Variants in PPP1R18 observed in about 807,000 individuals in gnomAD.
PPP1R18 encodes the protein protein phosphatase 1 regulatory subunit 18, also known as phostensin.
A neutral mutation model predicts 54.8 loss-of-function variants in PPP1R18; 31 were observed. The observed-to-expected ratio is 0.57, with a 90% CI of 0.43 to 0.76. PPP1R18 has a LOEUF of 0.76. Ranked by LOEUF, PPP1R18 falls within the 30% of genes least tolerant of loss-of-function variation. The probability of loss-of-function intolerance (pLI) is 0.00; values close to 1 mark genes in which losing one functional copy is unlikely to be tolerated. For synonymous variants in PPP1R18, 310 were observed against 320.2 expected, an observed-to-expected ratio of 0.97 and a Z score of 0.34; for missense variants, 685 against 776.1, an observed-to-expected ratio of 0.88 and a Z score of 1.39.
intron 2 of PPP1R18, among the ~76,000 whole-genome samples, chr6:30,678,568 TG>T (rs1413895432): frequency 6.6e-6 from 1 of 151,604 alleles, no homozygotes; most frequent in East Asian, 2.0e-4. Flanking sequence ...TTAGTAGAGA[TG>T]GGGTTTCACC....
rs1363960192 is a variant in PPP1R18, at chr6:30,676,691, G to C, written c.*578C>G. ...TGAGGAGACTGGAGGGGACAGAGGA[G>C]AGAATTCCACGCAGACACAGCAAGT... On this transcript the variant is annotated 3_prime_UTR_variant, in exon 3 of 3. Coordinates refer to ENST00000274853, the MANE Select transcript of PPP1R18 (RefSeq NM_133471.4). The C allele has an allele frequency of 4.7e-6, 1 of 212,878 alleles. No individual in the cohort carries two copies. Among genetic ancestry groups the C allele is most frequent in the Non-Finnish European group, 9.5e-6 (1 of 105,634 alleles). The allele number at this position is 212,878 out of a possible 1,614,324, so 13.2% of individuals were successfully genotyped here. A position where few individuals can be genotyped will look rare whatever the true frequency, so the allele number is the denominator to read the frequency against.
rs532801039 is a variant in PPP1R18 at position 30,684,589 on chromosome 6, C to T, written c.1430G>A (p.Arg477Gln). The T allele has an allele frequency of 1.8e-5, 28 of 1,598,120 alleles. No individual in the cohort carries two copies. The highest frequency in any genetic ancestry group is 1.0e-4 in the South Asian group (9 of 89,466). The change falls in exon 1 of 3, where the codon CGG becomes CAG. Residue 477 changes from arginine to glutamine, a missense_variant. Physicochemically the swap from Arg to Gln is conservative, Grantham distance 43 (BLOSUM62 1). Coordinates refer to ENST00000274853, the MANE Select transcript of PPP1R18 (RefSeq NM_133471.4). The surrounding 1 kb of genome is among the most constrained non-coding windows in gnomAD (Gnocchi z 6.0). ...TGGGGTCGCAGGGGGCACAGACCGC[C>T]GGGGGTTGACGGTGAAGGTGTGTCC... ...RSGHTFTVNP[R>Q]RSVPPATPAT... is the part of the protein sequence containing the mutation.
chr6:30,687,029 A>G (rs1771015044), upstream of PPP1R18: 1 of 152,630 alleles, frequency 6.6e-6, no homozygotes, highest in Admixed American at 6.5e-5. This position sits in a 1 kb window ranked among gnomAD's most constrained non-coding sequence, Gnocchi z 7.9. Context: ...AAGAGGAGAC[A>G]GCCAAGGTCC....
In PPP1R18 at chr6:30,677,244, G is replaced by A. The variant is rs758621798; in HGVS notation, c.*25C>T. 2.5e-6 allele frequency: 4 copies of A among 1,595,830 alleles called. No homozygotes were observed. The South Asian group carries it at 3.3e-5, about 13-fold the overall frequency. ...GATCTTCAGTTATAAGAAGGAGGGA[G>A]GTATATCCCTATGTTGGAAGATGGT... On this transcript the variant is annotated 3_prime_UTR_variant, in exon 3 of 3. Coordinates refer to ENST00000274853, the MANE Select transcript of PPP1R18 (RefSeq NM_133471.4).
At chr6:30,682,832 C>T (rs1350212335) in intron 1 of PPP1R18, among the ~76,000 whole-genome samples, 4 of 152,178 alleles carry the variant, frequency 2.6e-5, no homozygotes, top group Non-Finnish European at 4.4e-5. Flanking sequence ...CTTCCTGGCT[C>T]CCCTGGGATG....
chr6:30,687,627 T>C (rs1018387521), upstream of PPP1R18: 2 of 152,418 alleles, frequency 1.3e-5, no homozygotes, highest in African/African-American at 4.8e-5. This position sits in a 1 kb window ranked among gnomAD's most constrained non-coding sequence, Gnocchi z 7.9. Flanking sequence ...TCCCTACGCT[T>C]TTGCCTTCTC....
intron 1 of PPP1R18, among the ~76,000 whole-genome samples, chr6:30,680,491 G>T (rs1251226840): frequency 6.6e-6 from 1 of 152,108 alleles, no homozygotes; most frequent in Non-Finnish European, 1.5e-5. Flanking sequence ...TGAAAAGAGA[G>T]AAGCCAGAAG....
chr6:30,684,380 A>G lies in PPP1R18; in HGVS notation c.1611+28T>C. On this transcript the variant is annotated intron_variant, in intron 1 of 2. Coordinates refer to ENST00000274853, the MANE Select transcript of PPP1R18 (RefSeq NM_133471.4). The surrounding 1 kb of genome is among the most constrained non-coding windows in gnomAD (Gnocchi z 6.0). ...AGAGAAAATTGACAAGTGGACTTCT[A>G]AGAAGTCTGGCTTGGCTGCTTCCCT... is the stretch of plus-strand genomic sequence containing the variant. 1 of 1,511,704 alleles carries G rather than the reference A, an allele frequency of 6.6e-7. No homozygotes were observed. Among genetic ancestry groups the G allele is most frequent in the South Asian group, 1.3e-5 (1 of 75,916 alleles). 93.6% of individuals were successfully genotyped at this position (1,511,704 alleles called of 1,614,324 possible).
Position 30,677,276 on chromosome 6 carries a change from C to A in PPP1R18, c.1835G>T (p.Arg612Leu). ...CCCTATGTTGGAAGATGGTCACCGC[C>A]GGCAGGACTCATCTGTGGGAGAGGG... ...TKALIVDESC[R>L]R Residue 612 changes from arginine (R) to leucine (L), a missense_variant, in exon 3 of 3, where the codon CGG (arginine) becomes CTG (leucine). Coordinates refer to ENST00000274853, the MANE Select transcript of PPP1R18 (RefSeq NM_133471.4). 1 of 1,602,580 alleles carries A rather than the reference C, an allele frequency of 6.2e-7. No individual in the cohort carries two copies. Among genetic ancestry groups the A allele is most frequent in the Non-Finnish European group, 8.5e-7 (1 of 1,175,822 alleles).
intron 2 of PPP1R18, 66 bp downstream of exon 2, chr6:30,679,113 C>G: frequency 7.0e-7 from 1 of 1,424,764 alleles, no homozygotes; most frequent in African/African-American, 1.4e-5. Context: ...TCCCTCCTCT[C>G]TCCTGGACCA....
At position 30,685,351 on chromosome 6, in the gene PPP1R18, A is replaced by G. The variant is rs202236490; in HGVS notation, c.668T>C (p.Leu223Pro). The change falls in exon 1 of 3, where the codon CTG becomes CCG. Residue 223 changes from leucine to proline, a missense_variant. Transcript: ENST00000274853. This position sits in a 1 kb window ranked among gnomAD's most constrained non-coding sequence, Gnocchi z 5.0. ...CTGGTAGGCAGATTCCCCTGGGCTC[A>G]GTCTACTTTCCACCTCTTTTCTCCT... ...SPRRKEVESR[L>P]SPGESAYQKL... The G allele has an allele frequency of 9.5e-5, 153 of 1,613,088 alleles. No homozygotes were observed. The highest frequency in any genetic ancestry group is 1.5e-4 in the Admixed American group (9 of 60,028).
Position 30,684,557 on chromosome 6 carries a change from G to A in PPP1R18, c.1462C>T (p.Pro488Ser), listed in dbSNP as rs1328632849. 6.2e-7 allele frequency: 1 copy of A among 1,611,244 alleles called. No homozygotes were observed. Among genetic ancestry groups the A allele is most frequent in the Non-Finnish European group, 8.5e-7 (1 of 1,179,234 alleles). ...GCATCAACTGTGGCTGGAGAGGTTG[G>A]GGTGGCTGGGGTCGCAGGGGGCACA... ...RSVPPATPAT[P>S]TSPATVDAAV... The change falls in exon 1 of 3, where the codon CCA becomes TCA. Residue 488 changes from proline (P) to serine (S), a missense_variant. Transcript: ENST00000274853. The surrounding 1 kb of genome is among the most constrained non-coding windows in gnomAD (Gnocchi z 6.0).
rs368954276 is a variant in PPP1R18 at position 30,685,889 on chromosome 6, G to A, written c.130C>T (p.Leu44=). ...SQMPAWKRGL[L]ERRRAKLGLS... Reference sequence around the variant, plus strand: ...CCAAGCTTGGCCCGGCGGCGCTCCAGGAGCCCTCGTTTCCAGGCTGGCATC... The same window carrying A: ...CCAAGCTTGGCCCGGCGGCGCTCCAAGAGCCCTCGTTTCCAGGCTGGCATC... Residue 44 remains leucine, a synonymous_variant, in exon 1 of 3, where the codon CTG becomes TTG. Transcript: ENST00000274853. This position sits in a 1 kb window ranked among gnomAD's most constrained non-coding sequence, Gnocchi z 5.0. 3.1e-5 allele frequency: 50 copies of A among 1,610,924 alleles called. No individual in the cohort carries two copies. Among genetic ancestry groups the A allele is most frequent in the Non-Finnish European group, 4.2e-5 (49 of 1,180,020 alleles).
chr6:30,684,739 G>A lies in PPP1R18; in HGVS notation c.1280C>T (p.Pro427Leu). 2 of 1,558,206 alleles carry A rather than the reference G, an allele frequency of 1.3e-6. No individual in the cohort carries two copies. Among genetic ancestry groups the A allele is most frequent in the Non-Finnish European group, 1.7e-6 (2 of 1,153,212 alleles). ...GGGTGGGGGAGACAGAGGGGCTGGT[G>A]GTGGGGGCTGGAGCTCCACTGCTTC... ...EEEAVELQPP[P>L]PAPLSPPPPA... The change falls in exon 1 of 3, where the codon CCA becomes CTA. Residue 427 changes from proline to leucine, a missense_variant. Physicochemically the swap from Pro to Leu is moderately conservative, Grantham distance 98 (BLOSUM62 -3). Coordinates refer to ENST00000274853, the MANE Select transcript of PPP1R18 (RefSeq NM_133471.4). This position sits in a 1 kb window ranked among gnomAD's most constrained non-coding sequence, Gnocchi z 6.0.
At chr6:30,678,375 A>G (rs1438320366) in intron 2 of PPP1R18, among the ~76,000 whole-genome samples, 3 of 148,228 alleles carry the variant, frequency 2.0e-5, no homozygotes, top group Non-Finnish European at 1.5e-5. Context: ...ACACCTGGCT[A>G]ATTTTTTTTT....
At chr6:30,677,475 A>T (rs1474611416) in intron 2 of PPP1R18, among the ~76,000 whole-genome samples, 187 bp from the exon 3 acceptor site, 1 of 152,168 alleles carries the variant, frequency 6.6e-6, no homozygotes, top group African/African-American at 2.4e-5. Context: ...TGTGCCAGGC[A>T]TCCTTATAAC....
At position 30,683,763 on chromosome 6, in the gene PPP1R18, G is replaced by A. The variant is rs1176019938; in HGVS notation, c.1611+645C>T. ...GTCACCCACTTCAAATGGCCTCTCT[G>A]TGTCTCTCCCATGGGGCAGACTCGG... On this transcript the variant is annotated intron_variant, in intron 1 of 2. Coordinates refer to ENST00000274853, the MANE Select transcript of PPP1R18 (RefSeq NM_133471.4). This position sits in a 1 kb window ranked among gnomAD's most constrained non-coding sequence, Gnocchi z 5.1. 6.6e-6 allele frequency among the ~76,000 whole-genome samples: 1 copy of A among 152,110 alleles called. No homozygotes were observed. Among genetic ancestry groups the A allele is most frequent in the African/African-American group, 2.4e-5 (1 of 41,426 alleles).
At chr6:30,677,352 C>T (rs1770256508) in intron 2 of PPP1R18, 64 bp from the exon 3 acceptor site, 5 of 1,256,880 alleles carry the variant, frequency 4.0e-6, no homozygotes, top group South Asian at 2.9e-5. Flanking sequence ...GCCCACCCTT[C>T]CCCCCCACAC....
Position 30,684,677 on chromosome 6 carries a change from G to A in PPP1R18, c.1342C>T (p.Leu448Phe). ...PTAPQPPGDP[L>F]MSRLFYGVKA... ...ACCCCATAGAACAGGCGGCTCATGA[G>A]GGGATCCCCAGGAGGTTGGGGGGCA... Residue 448 changes from leucine to phenylalanine, a missense_variant, in exon 1 of 3, where the codon CTC becomes TTC. Leu to Phe is a conservative substitution (Grantham distance 22, BLOSUM62 0). Coordinates refer to ENST00000274853, the MANE Select transcript of PPP1R18 (RefSeq NM_133471.4). This position sits in a 1 kb window ranked among gnomAD's most constrained non-coding sequence, Gnocchi z 6.0. 6.7e-7 allele frequency: 1 copy of A among 1,491,866 alleles called. No individual in the cohort carries two copies. The highest frequency in any genetic ancestry group is 1.3e-5 in the South Asian group (1 of 74,274). 92.4% of individuals were successfully genotyped at this position (1,491,866 alleles called of 1,614,324 possible). A position where few individuals can be genotyped will look rare whatever the true frequency, so the allele number is the denominator to read the frequency against.
Sources: allele counts gnomAD v4.1 joint callset (sites outside exome capture counted in the v4.1 genomes callset), GRCh38; gene constraint gnomAD v4.1.1; non-coding constraint Gnocchi (gnomAD v3.1); transcripts MANE v1.5; gene names NCBI Gene and HGNC (gene_info 2026-07-23, HGNC 2026-07-21).